Variants in ERICH1 observed in about 807,000 individuals in gnomAD.
ERICH1 encodes glutamate-rich protein 1.
In ERICH1, 56 loss-of-function variants were observed where a neutral mutation model predicts 39.6. The observed-to-expected ratio is 1.41, with a 90% confidence interval of 1.14 to 1.77. ERICH1 has a LOEUF of 1.77. ERICH1 is among the 40% of genes most tolerant of loss of function. ERICH1 has a pLI of 0.00. For synonymous variants in ERICH1, 313 were observed against 223.6 expected, an observed-to-expected ratio of 1.40 and a Z score of -3.57; for missense variants, 826 against 575.4, an observed-to-expected ratio of 1.44 and a Z score of -4.45.
chr8:688,950 G>C (rs1808292968), intron 3 of ERICH1, among the ~76,000 whole-genome samples: 2 of 152,150 alleles, frequency 1.3e-5, no homozygotes, highest in African/African-American at 2.4e-5. Flanking sequence ...TAAGGAACAA[G>C]ATTTTAAATG....
chr8:730,549 C>G (rs940234694), intron 1 of ERICH1, among the ~76,000 whole-genome samples: 1 of 152,236 alleles, frequency 6.6e-6, no homozygotes, highest in Admixed American at 6.5e-5. Flanking sequence ...TATTTTCTAA[C>G]ACTTCCGTTC....
intron 2 of ERICH1, among the ~76,000 whole-genome samples, chr8:711,848 A>G (rs1163769172): frequency 2.0e-5 from 3 of 152,172 alleles, no homozygotes; most frequent in African/African-American, 7.2e-5. Flanking sequence ...GTCTGTGTCT[A>G]TATTTTTATG....
rs112025712 is a variant in ERICH1 at position 625,347 on chromosome 8, C to T, written c.977-10063G>A. Among the ~76,000 whole-genome samples the T allele has an allele frequency of 2.5e-3, 381 of 152,256 alleles. 1 individual carries two copies. Among genetic ancestry groups the T allele is most frequent in the African/African-American group, 4.0e-3 (166 of 41,544 alleles). On this transcript the variant is annotated intron_variant, in intron 3 of 3. Transcript: ENST00000522706. ...GCAGGAATAAACCCTGAAACCACGA[C>T]GCTGAGTTAAAGAAGCCGGACAAAG...
At chr8:690,499 G>C (rs929805209) in intron 3 of ERICH1, among the ~76,000 whole-genome samples, 1 of 152,270 alleles carries the variant, frequency 6.6e-6, no homozygotes, top group Non-Finnish European at 1.5e-5. Flanking sequence ...GGGACCGGCA[G>C]ACCCAAGGGC....
downstream of ERICH1, among the ~76,000 whole-genome samples, chr8:660,658 A>AT (rs934088926): frequency 6.6e-6 from 1 of 152,102 alleles, no homozygotes; most frequent in Non-Finnish European, 1.5e-5. Context: ...AAGAAAATTA[A>AT]TTTTTTTTAC....
Position 694,482 on chromosome 8 carries a change from A to G in ERICH1, c.170-1870T>C, listed in dbSNP as rs559949961. Among the ~76,000 whole-genome samples the G allele has an allele frequency of 8.5e-5, 13 of 152,338 alleles. No individual in the cohort carries two copies. In the East Asian group the frequency reaches 1.2e-3, roughly 14 times the overall value. ...CACGGGAGGGATCAGGGAACACTCA[A>G]TGACTCATGCAGAGCAAACAAGGAT... On this transcript the variant is annotated intron_variant, in intron 2 of 5. Transcript: ENST00000262109.
rs574472343 is a variant in ERICH1, at chr8:678,830, CAT to C, written c.305-4785_305-4784del. Reference sequence around the variant, plus strand: ...CTCAAAAGAAAAGAAAAAGCCAACACATGTCTTACATACCCGTTTCCAGATAG... The same window carrying C: ...CTCAAAAGAAAAGAAAAAGCCAACACGTCTTACATACCCGTTTCCAGATAG... On this transcript the variant is annotated intron_variant, in intron 3 of 5. Coordinates refer to ENST00000262109, the MANE Select transcript of ERICH1 (RefSeq NM_207332.3). 2.0e-3 allele frequency among the ~76,000 whole-genome samples: 303 copies of C among 152,236 alleles called. 3 individuals are homozygous for C. Among genetic ancestry groups the C allele is most frequent in the African/African-American group, 6.7e-3 (280 of 41,538 alleles).
At position 715,984 on chromosome 8, in the gene ERICH1, T is replaced by C. The variant is rs1394527551; in HGVS notation, c.46A>G (p.Arg16Gly). 9 of 1,611,868 alleles carry C rather than the reference T, an allele frequency of 5.6e-6. No homozygotes were observed. The highest frequency in any genetic ancestry group is 7.6e-6 in the Non-Finnish European group (9 of 1,179,344). The change falls in exon 2 of 6, where the codon AGA (arginine) becomes GGA (glycine). Residue 16 changes from arginine (R) to glycine (G), a missense_variant. Arg to Gly is a moderately radical substitution (Grantham distance 125). Coordinates refer to ENST00000262109, the MANE Select transcript of ERICH1 (RefSeq NM_207332.3). ...CCACTTGGAACAGGAGGAAAAAGTC[T>C]CTGCAGCACCTTCTCCACAAACACT... ...KHVFVEKVLQ[R>G]LFPPVPSGQG...
intron 2 of ERICH1, among the ~76,000 whole-genome samples, chr8:692,816 C>T (rs1317075379): frequency 6.6e-6 from 1 of 152,116 alleles, no homozygotes; most frequent in Non-Finnish European, 1.5e-5. Flanking sequence ...ACACACCCAG[C>T]CAAGAAAAAG....
At chr8:653,701 G>T (rs987960552) in intron 3 of ERICH1, among the ~76,000 whole-genome samples, 1 of 152,214 alleles carries the variant, frequency 6.6e-6, no homozygotes, top group Non-Finnish European at 1.5e-5. Flanking sequence ...AAAAAGAAGG[G>T]AGTCTGGACA....
intron 3 of ERICH1, among the ~76,000 whole-genome samples, chr8:621,929 T>C (rs1797308016): frequency 6.6e-6 from 1 of 152,220 alleles, no homozygotes; most frequent in South Asian, 2.1e-4. Flanking sequence ...TAAAACTTCC[T>C]TGTGGCTGAG....
At chr8:685,679 C>T (rs577974864) in intron 3 of ERICH1, among the ~76,000 whole-genome samples, 3 of 152,290 alleles carry the variant, frequency 2.0e-5, no homozygotes, top group South Asian at 2.1e-4. Context: ...CGCCTTCAGC[C>T]GGTCCCTCCG....
intron 3 of ERICH1, among the ~76,000 whole-genome samples, chr8:629,474 CACAG>C (rs1184736791): frequency 6.9e-5 from 10 of 145,206 alleles, no homozygotes; most frequent in Non-Finnish European, 1.4e-4. Context: ...TGACCACCCA[CACAG>C]ACAGAGCTGA....
chr8:666,164 A>T (rs1346987361), intron 5 of ERICH1: 1 of 152,228 alleles, frequency 6.6e-6, no homozygotes, highest in African/African-American at 2.4e-5. Context: ...CTGTCTGATG[A>T]TTTTAATATA....
chr8:620,096 G>T (rs561396043), intron 3 of ERICH1, among the ~76,000 whole-genome samples: 1 of 151,742 alleles, frequency 6.6e-6, no homozygotes, highest in African/African-American at 2.4e-5. Flanking sequence ...GGTGGATCAC[G>T]AGGTCAGGAG....
rs558728205 is a variant in ERICH1, at chr8:677,507, GT to G, written c.305-3461del. Among the ~76,000 whole-genome samples, 17 of 152,290 alleles carry G rather than the reference GT, an allele frequency of 1.1e-4. No homozygotes were observed. In the South Asian group the frequency reaches 3.5e-3, roughly 32 times the overall value. On this transcript the variant is annotated intron_variant, in intron 3 of 5. Coordinates refer to ENST00000262109, the MANE Select transcript of ERICH1 (RefSeq NM_207332.3). ...CATCTCGCTCCTCACTCACCAGTGG[GT>G]GTTTGAATAATTTCATCTGCGAGTG...
At chr8:626,053 A>G (rs1797581148) in intron 3 of ERICH1, 1 of 152,254 alleles carries the variant, frequency 6.6e-6, no homozygotes, top group Non-Finnish European at 1.5e-5. Flanking sequence ...TCTTCTACAC[A>G]TATAAATCTT....
chr8:654,211 G>A (rs1400696464), intron 3 of ERICH1, among the ~76,000 whole-genome samples: 1 of 152,184 alleles, frequency 6.6e-6, no homozygotes, highest in African/African-American at 2.4e-5. Context: ...AGAAAATAAT[G>A]CAAAATACGC....
chr8:688,846 G>C (rs1200869362), intron 3 of ERICH1, among the ~76,000 whole-genome samples: 1 of 152,194 alleles, frequency 6.6e-6, no homozygotes, highest in African/African-American at 2.4e-5. Context: ...AAGTACACGA[G>C]TTCATAAGAA....
Sources: gnomAD v4.1 joint callset for allele counts (sites outside exome capture counted in the v4.1 genomes callset) on GRCh38, gnomAD v4.1.1 for gene constraint, MANE v1.5 for transcripts, NCBI Gene and HGNC (gene_info 2026-07-23, HGNC 2026-07-21) for gene names.